NRDE2: variants seen among roughly 807,000 people sequenced by gnomAD.
NRDE2 encodes NRDE-2, necessary for RNA interference, domain containing, also known as nuclear exosome regulator NRDE2.
A neutral mutation model predicts 124.2 loss-of-function variants in NRDE2; 76 were observed. The ratio of observed to expected loss-of-function variants is 0.61; its 90% confidence interval spans 0.51 to 0.74. NRDE2 has a LOEUF of 0.74. Among genes scored for constraint, NRDE2 ranks in the 30% least tolerant of loss-of-function variants. The pLI, the probability that NRDE2 is intolerant of heterozygous loss-of-function variation, is 0.00. For missense variants in NRDE2, 1,314 were observed against 1,417.3 expected (o/e 0.93, Z 1.17); for synonymous variants, 489 against 528.1 (o/e 0.93, Z 1.01).
chr14:90,331,893 G>A lies in NRDE2; in HGVS notation c.12C>T (p.Phe4=). The change falls in exon 1 of 14, where the codon TTC becomes TTT. Residue 4 remains phenylalanine, a synonymous_variant. Coordinates refer to ENST00000354366, the MANE Select transcript of NRDE2 (RefSeq NM_017970.4). MAL[F]PAFAGLSEAP... is the part of the protein sequence containing the mutation. ...CCTCACTAAGCCCCGCAAAGGCTGG[G>A]AACAGCGCCATGACCACAGGCCGTA... 2 of 1,614,092 alleles carry A rather than the reference G, an allele frequency of 1.2e-6. No individual in the cohort carries two copies. The highest frequency in any genetic ancestry group is 1.1e-5 in the South Asian group (1 of 91,082).
intron 3 of NRDE2, among the ~76,000 whole-genome samples, chr14:90,315,929 C>T (rs183599275): frequency 4.8e-5 from 6 of 124,470 alleles, no homozygotes; most frequent in Admixed American, 3.2e-4. Flanking sequence ...TGCACTCCAG[C>T]GTGGGCAACT....
At position 90,276,203 on chromosome 14, in the gene NRDE2, A is replaced by G. The variant is rs1891798965; in HGVS notation, c.*2133T>C. On this transcript the variant is annotated 3_prime_UTR_variant, in exon 14 of 14. Transcript: ENST00000354366. The stretch of plus-strand genomic sequence containing the variant: ...CATCTTTCAGAAGTTCATGTCAGCA[A>G]TCTCAAACGGGCTGTTTTTTTTTTT... 6.9e-6 allele frequency: 1 copy of G among 145,102 alleles called. No homozygotes were observed. Among genetic ancestry groups the G allele is most frequent in the African/African-American group, 2.5e-5 (1 of 39,404 alleles). The allele number at this position is 145,102 out of a possible 1,614,324, so 9.0% of individuals were successfully genotyped here. A position where few individuals can be genotyped will look rare whatever the true frequency, so the allele number is the denominator to read the frequency against.
intron 9 of NRDE2, among the ~76,000 whole-genome samples, chr14:90,291,998 T>C (rs1892282754): frequency 6.6e-6 from 1 of 152,260 alleles, no homozygotes; most frequent in African/African-American, 2.4e-5. Context: ...ACAGAGTTGG[T>C]ATCTGGTTAA....
Position 90,316,667 on chromosome 14 carries a change from A to T in NRDE2, c.318T>A (p.Ser106Arg). The T allele has an allele frequency of 6.2e-7, 1 of 1,614,018 alleles. No individual in the cohort carries two copies. Among genetic ancestry groups the T allele is most frequent in the Non-Finnish European group, 8.5e-7 (1 of 1,180,006 alleles). The change falls in exon 3 of 14, where the codon AGT becomes AGA. Residue 106 changes from serine to arginine, a missense_variant. Coordinates refer to ENST00000354366, the MANE Select transcript of NRDE2 (RefSeq NM_017970.4). ...CGGTGTCTGTCTCAGACCTGCTGCT[A>T]CTCGACGGCCCATGCTTCCTCTTTG... is the stretch of plus-strand genomic sequence containing the variant. ...KKTKRKHGPS[S>R]SSRSETDTDS...
intron 7 of NRDE2, among the ~76,000 whole-genome samples, chr14:90,300,020 T>C (rs1884335399): frequency 1.3e-5 from 2 of 152,224 alleles, no homozygotes; most frequent in Admixed American, 6.5e-5. Context: ...TCACATGTGC[T>C]ATTCGTGTTT....
chr14:90,311,414 T>C (rs1039465055), intron 4 of NRDE2, among the ~76,000 whole-genome samples: 3 of 152,096 alleles, frequency 2.0e-5, no homozygotes, highest in East Asian at 1.9e-4. Flanking sequence ...TGGGAGGTAA[T>C]TGAATCATGG....
chr14:90,279,285 G>A, intron 12 of NRDE2, 152 bp from the exon 13 acceptor site: 1 of 644,756 alleles, frequency 1.6e-6, no homozygotes, highest in Non-Finnish European at 2.7e-6. Flanking sequence ...TGTGGGACAG[G>A]GGCAGGTGCC....
intron 3 of NRDE2, among the ~76,000 whole-genome samples, chr14:90,315,116 G>A (rs774461823): frequency 5.2e-5 from 7 of 135,920 alleles, no homozygotes; most frequent in Non-Finnish European, 7.7e-5. Flanking sequence ...GGCAGAGGTT[G>A]CAGTGAGCCG....
chr14:90,269,271 A>C lies in NRDE2; in HGVS notation c.*9065T>G, dbSNP rs1595045606. 1.3e-6 allele frequency: 1 copy of C among 768,650 alleles called. No individual in the cohort carries two copies. Among genetic ancestry groups the C allele is most frequent in the East Asian group, 2.6e-5 (1 of 38,134 alleles). 47.6% of individuals were successfully genotyped at this position (768,650 alleles called of 1,614,324 possible). On this transcript the variant is annotated 3_prime_UTR_variant, in exon 14 of 14. Coordinates refer to ENST00000354366, the MANE Select transcript of NRDE2 (RefSeq NM_017970.4). ...TATTTTTTCCGAGCATAATTGAGGG[A>C]GTGCCATGTGAGTTGAAACAGGAAT...
chr14:90,292,787 C>T lies in NRDE2; in HGVS notation c.1752G>A (p.Glu584=). Residue 584 remains glutamate, a synonymous_variant, in exon 9 of 14, where the codon GAG becomes GAA. Transcript: ENST00000354366. The stretch of plus-strand genomic sequence containing the variant: ...GCCAGTGCCTCTGGTCACGGGAACG[C>T]TCAGCAGCAAGCCAGATCTGCCACC... ...LPRWQIWLAA[E]RSRDQRHWRP... 1 of 1,614,222 alleles carries T rather than the reference C, an allele frequency of 6.2e-7. No individual in the cohort carries two copies. The highest frequency in any genetic ancestry group is 8.5e-7 in the Non-Finnish European group (1 of 1,180,034).
chr14:90,282,171 G>A (rs1891970343), intron 12 of NRDE2, among the ~76,000 whole-genome samples: 1 of 152,158 alleles, frequency 6.6e-6, no homozygotes, highest in Admixed American at 6.5e-5. Context: ...TGCAATTTTA[G>A]CTAAAACAAC....
intron 1 of NRDE2, among the ~76,000 whole-genome samples, chr14:90,322,552 C>G (rs1255805909): frequency 6.6e-6 from 1 of 152,144 alleles, no homozygotes; most frequent in Non-Finnish European, 1.5e-5. Flanking sequence ...AAAAAAAATC[C>G]ATTATCTAGG....
In NRDE2 at chr14:90,292,760, C is replaced by A. The variant is rs532584744; in HGVS notation, c.1779G>T (p.Arg593=). Residue 593 remains arginine, a synonymous_variant, in exon 9 of 14, where the codon CGG becomes CGT. Transcript: ENST00000354366. ...AERSRDQRHW[R]PWRPDKTKKQ... ...TCTTGGTCTTATCAGGGCGCCAGGG[C>A]CGCCAGTGCCTCTGGTCACGGGAAC... is the stretch of plus-strand genomic sequence containing the variant. 171 of 1,614,204 alleles carry A rather than the reference C, an allele frequency of 1.1e-4. 2 individuals are homozygous for A. In the South Asian group the frequency reaches 1.8e-3, roughly 17 times the overall value.
chr14:90,298,165 C>G (rs1191653273), intron 8 of NRDE2, 95 bp downstream of exon 8: 4 of 1,306,150 alleles, frequency 3.1e-6, no homozygotes, highest in Non-Finnish European at 4.3e-6. Context: ...TCTGAAGCTA[C>G]TGATAAATAG....
rs536420576 is a variant in NRDE2, at chr14:90,289,513, T to C, written c.2230-368A>G. Among the ~76,000 whole-genome samples the C allele has an allele frequency of 2.0e-5, 3 of 152,318 alleles. No homozygotes were observed. In the South Asian group the frequency reaches 6.2e-4, roughly 32 times the overall value. On this transcript the variant is annotated intron_variant, in intron 10 of 13. Transcript: ENST00000354366. ...GTGCTAAGAGAGCCAGTACTAACTG[T>C]GGCCAGCAGAGGACAGAACAGCTGA...
intron 7 of NRDE2, among the ~76,000 whole-genome samples, chr14:90,300,929 A>G (rs1352427599): frequency 4.7e-5 from 6 of 128,486 alleles, no homozygotes; most frequent in Non-Finnish European, 1.7e-5. Context: ...GGAAAGGAGG[A>G]ACACAGGCAG....
At chr14:90,292,438 C>G (rs943376377) in intron 9 of NRDE2, among the ~76,000 whole-genome samples, 1 of 152,198 alleles carries the variant, frequency 6.6e-6, no homozygotes, top group African/African-American at 2.4e-5. Context: ...CAAGGGCCCA[C>G]CCACCTACTA....
rs1452502861 is a variant in NRDE2 at position 90,279,255 on chromosome 14, C to G, written c.3298-122G>C. 3 of 735,068 alleles carry G rather than the reference C, an allele frequency of 4.1e-6. No individual in the cohort carries two copies. In the Admixed American group the frequency reaches 6.5e-5, roughly 16 times the overall value. The allele number at this position is 735,068 out of a possible 1,614,324, so 45.5% of individuals were successfully genotyped here. A position where few individuals can be genotyped will look rare whatever the true frequency, so the allele number is the denominator to read the frequency against. On this transcript the variant is annotated intron_variant, in intron 12 of 13. Coordinates refer to ENST00000354366, the MANE Select transcript of NRDE2 (RefSeq NM_017970.4). ...GCAGTGAGCCCACCTGTGCAGAGGG[C>G]CTGGCACCGTCACGGTGGCTGTGGG... is the stretch of plus-strand genomic sequence containing the variant.
At position 90,331,911 on chromosome 14, in the gene NRDE2, A is replaced by G. The variant is rs749547176; in HGVS notation, c.-7T>C. ...AGGCTGGGAACAGCGCCATGACCACAGGCCGTACCTCCGTTCTTCTCTATA... is the reference window on the plus strand; with the variant it reads ...AGGCTGGGAACAGCGCCATGACCACGGGCCGTACCTCCGTTCTTCTCTATA... On this transcript the variant is annotated 5_prime_UTR_variant, in exon 1 of 14. Transcript: ENST00000354366. 3 of 1,614,068 alleles carry G rather than the reference A, an allele frequency of 1.9e-6. No homozygotes were observed. In the Admixed American group the frequency reaches 5.0e-5, roughly 27 times the overall value.
Sources: gnomAD v4.1 joint callset for allele counts (sites outside exome capture counted in the v4.1 genomes callset) on GRCh38, gnomAD v4.1.1 for gene constraint, MANE v1.5 for transcripts, NCBI Gene and HGNC (gene_info 2026-07-23, HGNC 2026-07-21) for gene names.